MAP4K1: variants seen among roughly 807,000 people sequenced by gnomAD.
MAP4K1 encodes the protein MAPK/ERK kinase kinase kinase 1.
MAP4K1 carries 35 observed loss-of-function variants against 122.8 expected under a neutral mutation model. That is an observed-to-expected ratio of 0.29 (90% CI 0.22 to 0.38). The LOEUF (loss-of-function observed/expected upper bound fraction) is 0.38. Among genes scored for constraint, MAP4K1 ranks in the 10% least tolerant of loss-of-function variants. The pLI, the probability that MAP4K1 is intolerant of heterozygous loss-of-function variation, is 1.00. For synonymous variants in MAP4K1, 412 were observed against 421.3 expected (o/e 0.98, Z 0.27); for missense variants, 791 against 1,072.6 (o/e 0.74, Z 3.67).
intron 29 of MAP4K1, among the ~76,000 whole-genome samples, chr19:38,594,784 C>CA (rs1389629092): frequency 1.3e-5 from 2 of 150,850 alleles, no homozygotes; most frequent in Admixed American, 6.6e-5. Flanking sequence ...ACTAAAAATA[C>CA]AAAAAAATTA....
chr19:38,603,186 ACG>A (rs1975194322), intron 19 of MAP4K1, among the ~76,000 whole-genome samples: 1 of 149,676 alleles, frequency 6.7e-6, no homozygotes, highest in East Asian at 2.0e-4. Flanking sequence ...GTACATATAT[ACG>A]CATATACATA....
At position 38,590,384 on chromosome 19, in the gene MAP4K1, AAAAAAAAAAAATATATATATAT is replaced by A. The variant is rs1383198838; in HGVS notation, c.2397-2589_2397-2568del. Among the ~76,000 whole-genome samples, 8 of 73,594 alleles carry A rather than the reference AAAAAAAAAAAATATATATATAT, an allele frequency of 1.1e-4. 2 individuals carry two copies. Among genetic ancestry groups the A allele is most frequent in the African/African-American group, 4.6e-4 (7 of 15,324 alleles). The allele number at this position is 73,594 out of a possible 152,430, so 48.3% of individuals were successfully genotyped here. A position where few individuals can be genotyped will look rare whatever the true frequency, so the allele number is the denominator to read the frequency against. On this transcript the variant is annotated intron_variant, in intron 30 of 30. Coordinates refer to ENST00000396857, the MANE Select transcript of MAP4K1 (RefSeq NM_001042600.3). ...ATGATCTTGGACCAGAAAAAAAAAA[AAAAAAAAAAAATATATATATAT>A]ATATATATATATATATATATATATA...
At chr19:38,602,596 ATACG>A in intron 19 of MAP4K1, among the ~76,000 whole-genome samples, 2 of 149,294 alleles carry the variant, frequency 1.3e-5, no homozygotes, top group African/African-American at 2.5e-5. Flanking sequence ...ATGTACATAT[ATACG>A]CATATACATA....
At chr19:38,596,103 C>A in intron 26 of MAP4K1, 102 bp from the exon 27 acceptor site, 7 of 1,386,644 alleles carry the variant, frequency 5.0e-6, no homozygotes, top group Non-Finnish European at 6.1e-6. Flanking sequence ...CGCCTCAGTT[C>A]ACAAGCAAGT....
rs1016708565 is a variant in MAP4K1, at chr19:38,617,501, G to A, written c.158-57C>T. On this transcript the variant is annotated intron_variant, in intron 2 of 30. Coordinates refer to ENST00000396857, the MANE Select transcript of MAP4K1 (RefSeq NM_001042600.3). This position sits in a 1 kb window ranked among gnomAD's most constrained non-coding sequence, Gnocchi z 4.1. The stretch of plus-strand genomic sequence containing the variant: ...CGCATGGGGAGAGAGCTACAGGGGA[G>A]GTGATCCCAGTGTCCCAGGAGGCGA... The A allele has an allele frequency of 3.2e-5, 52 of 1,603,844 alleles. No individual in the cohort carries two copies. The highest frequency in any genetic ancestry group is 1.3e-5 in the African/African-American group (1 of 74,620).
intron 30 of MAP4K1, chr19:38,589,288 G>T: frequency 3.7e-6 from 1 of 267,636 alleles, no homozygotes. Context: ...GGGGGACAGA[G>T]TGAGACTCTG....
At chr19:38,605,002 A>G (rs1975280640) in intron 19 of MAP4K1, among the ~76,000 whole-genome samples, 2 of 149,162 alleles carry the variant, frequency 1.3e-5, no homozygotes, top group Admixed American at 6.7e-5. Flanking sequence ...CAGGAGAATC[A>G]CTTGAACTAG....
At chr19:38,610,341 G>A (rs1007995037) in intron 11 of MAP4K1, among the ~76,000 whole-genome samples, 1 of 144,646 alleles carries the variant, frequency 6.9e-6, no homozygotes, top group African/African-American at 2.6e-5. Flanking sequence ...GAGTGGCTGT[G>A]ATTACAGGCT....
chr19:38,593,123 G>T, intron 30 of MAP4K1, 159 bp downstream of exon 30: 1 of 521,390 alleles, frequency 1.9e-6, no homozygotes. Context: ...CCCCGTGGCT[G>T]CAGTGCAGAG....
chr19:38,605,652 G>C lies in MAP4K1; in HGVS notation c.1279C>G (p.Arg427Gly). The C allele has an allele frequency of 6.2e-7, 1 of 1,603,564 alleles. No individual in the cohort carries two copies. The change falls in exon 18 of 31, where the codon CGG (arginine) becomes GGG (glycine). Residue 427 changes from arginine to glycine, a missense_variant. Arg to Gly is a moderately radical substitution (Grantham distance 125). This residue lies in a region of MAP4K1 where 303 missense variants were observed against 344.8 expected (regional missense o/e 0.88). Transcript: ENST00000396857. Reference protein sequence around the residue: ...DGQLSPGVLVRCASGPPPNSP... With the variant: ...DGQLSPGVLVGCASGPPPNSP... Reference sequence around the variant, plus strand: ...TTTGGTGGGGGCCCACTGGCACACCGGACCAGCACCCCCGGGCTCAGCTGC... The same window carrying C: ...TTTGGTGGGGGCCCACTGGCACACCCGACCAGCACCCCCGGGCTCAGCTGC...
chr19:38,614,065 A>T lies in MAP4K1; in HGVS notation c.438T>A (p.Asn146Lys). The T allele has an allele frequency of 6.2e-7, 1 of 1,600,282 alleles. No homozygotes were observed. Among genetic ancestry groups the T allele is most frequent in the Non-Finnish European group, 8.5e-7 (1 of 1,174,700 alleles). ...RDIKGANILI[N>K]DAGEVRLADF... ...CACCCAATCTGACCTCCCCAGCATC[A>T]TTGATGAGGATGTTAGCTCCCTGGG... The change falls in exon 7 of 31, where the codon AAT becomes AAA. Residue 146 changes from asparagine (N) to lysine (K), a missense_variant. Coordinates refer to ENST00000396857, the MANE Select transcript of MAP4K1 (RefSeq NM_001042600.3).
chr19:38,605,342 T>TC, intron 19 of MAP4K1, 67 bp downstream of exon 19: 15 of 651,948 alleles, frequency 2.3e-5, no homozygotes, highest in African/African-American at 1.8e-5. Flanking sequence ...TGCCACCCCC[T>TC]CCCCACCCCA....
Position 38,602,825 on chromosome 19 carries a change from C to T in MAP4K1, c.1447-1300G>A, listed in dbSNP as rs184333765. Among the ~76,000 whole-genome samples, 20 of 148,182 alleles carry T rather than the reference C, an allele frequency of 1.3e-4. No homozygotes were observed. The East Asian group carries it at 2.8e-3, about 21-fold the overall frequency. On this transcript the variant is annotated intron_variant, in intron 19 of 30. Transcript: ENST00000396857. ...ACATATATACATATATACACATGTA[C>T]ATATATACGCATATACATATATACA...
chr19:38,609,608 C>T lies in MAP4K1; in HGVS notation c.994G>A (p.Ala332Thr), dbSNP rs1450980294. The change falls in exon 13 of 31, where the codon GCA becomes ACA. Residue 332 changes from alanine (A) to threonine (T), a missense_variant. Around this residue, in one of 4 missense-constraint regions of MAP4K1, gnomAD observed 303 missense variants for 344.8 expected, o/e 0.88. Coordinates refer to ENST00000396857, the MANE Select transcript of MAP4K1 (RefSeq NM_001042600.3). The stretch of plus-strand genomic sequence containing the variant: ...ATTCTCTACTCACGACAGCAGTCTG[C>T]ATCTGGGATCCCCAGAGAGCTGGAG... ...HRSSSLGIPD[A>T]DCCRRHMEFR... The T allele has an allele frequency of 8.7e-6, 14 of 1,613,662 alleles. No homozygotes were observed. Among genetic ancestry groups the T allele is most frequent in the Non-Finnish European group, 1.2e-5 (14 of 1,179,888 alleles).
intron 9 of MAP4K1, 65 bp from the exon 10 acceptor site, chr19:38,611,370 G>T: frequency 3.7e-6 from 4 of 1,090,188 alleles, no homozygotes; most frequent in Non-Finnish European, 5.7e-6. Flanking sequence ...ATGGCTTGAG[G>T]GGTTCCTAGT....
chr19:38,602,722 A>G lies in MAP4K1; in HGVS notation c.1447-1197T>C, dbSNP rs1239932892. Among the ~76,000 whole-genome samples the G allele has an allele frequency of 8.7e-5, 13 of 149,530 alleles. No individual in the cohort carries two copies. In the East Asian group the frequency reaches 9.7e-4, roughly 11 times the overall value. ...CATATACATGTATACATATATACACACATATACATGTATACATATATACAC... is the reference window on the plus strand; with the variant it reads ...CATATACATGTATACATATATACACGCATATACATGTATACATATATACAC... On this transcript the variant is annotated intron_variant, in intron 19 of 30. Coordinates refer to ENST00000396857, the MANE Select transcript of MAP4K1 (RefSeq NM_001042600.3).
intron 27 of MAP4K1, 95 bp from the exon 28 acceptor site, chr19:38,595,824 CA>C: frequency 2.7e-6 from 4 of 1,493,242 alleles, no homozygotes; most frequent in South Asian, 1.1e-5. Flanking sequence ...CTATGTAGGA[CA>C]GGGGCAAGGC....
intron 16 of MAP4K1, among the ~76,000 whole-genome samples, chr19:38,606,560 G>T (rs1599711300): frequency 6.6e-6 from 1 of 152,116 alleles, no homozygotes; most frequent in East Asian, 1.9e-4. Flanking sequence ...GGAGGCTGAG[G>T]TGGGAGGATT....
Position 38,588,466 on chromosome 19 carries a change from A to G in MAP4K1, c.2397-649T>C, listed in dbSNP as rs1974595551. Among the ~76,000 whole-genome samples the G allele has an allele frequency of 2.6e-5, 4 of 151,982 alleles. No homozygotes were observed. The South Asian group carries it at 8.3e-4, about 32-fold the overall frequency. ...AGCACTTTGGGAGGCCAAGGGGGGCAGATCACTTGAGGTCAGGAGTTCAAG... is the reference window on the plus strand; with the variant it reads ...AGCACTTTGGGAGGCCAAGGGGGGCGGATCACTTGAGGTCAGGAGTTCAAG... On this transcript the variant is annotated intron_variant, in intron 30 of 30. Transcript: ENST00000396857.
Sources: gnomAD v4.1 joint callset for allele counts (sites outside exome capture counted in the v4.1 genomes callset) on GRCh38, gnomAD v4.1.1 for gene constraint, gnomAD v4.1.1 regional missense constraint, Gnocchi (gnomAD v3.1) non-coding constraint, MANE v1.5 for transcripts, NCBI Gene and HGNC (gene_info 2026-07-23, HGNC 2026-07-21) for gene names.